GSPT1: variants seen among roughly 807,000 people sequenced by gnomAD.
The protein encoded by GSPT1 is G1 to S phase transition 1, also known as eukaryotic peptide chain release factor GTP-binding subunit ERF3A.
Under a neutral mutation model 72.5 loss-of-function variants are expected in GSPT1, and 20 were observed. That is an observed-to-expected ratio of 0.28 (90% CI 0.19 to 0.40). The LOEUF (loss-of-function observed/expected upper bound fraction) is 0.40, where lower values mean the gene tolerates loss of function less well. Among genes scored for constraint, GSPT1 ranks in the 10% least tolerant of loss-of-function variants. The pLI is 1.00. For missense variants in GSPT1, 580 were observed against 811.9 expected, an observed-to-expected ratio of 0.71 and a Z score of 3.47; for synonymous variants, 334 against 293.5, an observed-to-expected ratio of 1.14 and a Z score of -1.41.
chr16:11,888,758 C>T (rs184732486), intron 6 of GSPT1, among the ~76,000 whole-genome samples: 8 of 152,132 alleles, frequency 5.3e-5, no homozygotes, highest in Non-Finnish European at 8.8e-5. Context: ...GAGACTCCGT[C>T]TCAAAAAAAT....
rs2053957469 is a variant in GSPT1 at position 11,869,656 on chromosome 16, AC to A, written c.*3462del. ...TTCCCCTTGACTACCTTAAATCCCT[AC>A]CCAAAGCAATGAAGCTATCATCCAT... On this transcript the variant is annotated 3_prime_UTR_variant, in exon 15 of 15. Coordinates refer to ENST00000434724, the MANE Select transcript of GSPT1 (RefSeq NM_002094.4). 6.6e-6 allele frequency: 1 copy of A among 152,356 alleles called. No homozygotes were observed. The highest frequency in any genetic ancestry group is 2.4e-5 in the African/African-American group (1 of 41,586). The allele number at this position is 152,356 out of a possible 1,614,324, so 9.4% of individuals were successfully genotyped here.
At chr16:11,901,787 G>A (rs2054410122) in intron 1 of GSPT1, among the ~76,000 whole-genome samples, 1 of 150,048 alleles carries the variant, frequency 6.7e-6, no homozygotes, top group South Asian at 2.1e-4. Context: ...GTGAGACCCT[G>A]TCTCAAAAAA....
intron 1 of GSPT1, among the ~76,000 whole-genome samples, chr16:11,910,520 G>T (rs185850125): frequency 2.0e-5 from 3 of 152,234 alleles, no homozygotes; most frequent in Non-Finnish European, 4.4e-5. Context: ...CCAGAAATTC[G>T]CATTTCTGGA....
At chr16:11,875,624 A>G (rs2054038632) in intron 14 of GSPT1, 137 bp downstream of exon 14, 3 of 598,416 alleles carry the variant, frequency 5.0e-6, no homozygotes, top group Non-Finnish European at 8.5e-6. Flanking sequence ...TTCAACTCAT[A>G]AAACACTCAT....
chr16:11,893,651 G>C (rs1596467278), intron 5 of GSPT1, among the ~76,000 whole-genome samples: 2 of 152,110 alleles, frequency 1.3e-5, no homozygotes, highest in Admixed American at 1.3e-4. Context: ...GACATCTATA[G>C]TGCAGTGCAC....
Position 11,887,623 on chromosome 16 carries a change from T to A in GSPT1, c.904A>T (p.Ser302Cys). 1.2e-6 allele frequency: 2 copies of A among 1,613,960 alleles called. No homozygotes were observed. Among genetic ancestry groups the A allele is most frequent in the African/African-American group, 1.3e-5 (1 of 75,014 alleles). ...FTILDAPGHK[S>C]FVPNMIGGAS... is the part of the protein sequence containing the mutation. Reference sequence around the variant, plus strand: ...CCACCAATCATATTTGGGACAAAACTCTTGTGGCCAGGGGCATCTAGAATT... The same window carrying A: ...CCACCAATCATATTTGGGACAAAACACTTGTGGCCAGGGGCATCTAGAATT... Residue 302 changes from serine to cysteine, a missense_variant, in exon 7 of 15, where the codon AGT becomes TGT. Transcript: ENST00000434724.
At chr16:11,885,562 T>C (rs959499861) in intron 9 of GSPT1, among the ~76,000 whole-genome samples, 2 of 152,186 alleles carry the variant, frequency 1.3e-5, no homozygotes, top group Admixed American at 1.3e-4. Context: ...TTTCCAGCTA[T>C]GAAACCAAGA....
At position 11,915,928 on chromosome 16, in the gene GSPT1, G is replaced by C. The variant is rs761318497; in HGVS notation, c.-208C>G. ...GACGACAGAGGCGGCGGCGGCGGCAGCTCAACCCTCCTCCTCGTGTGTGTG... is the reference window on the plus strand; with the variant it reads ...GACGACAGAGGCGGCGGCGGCGGCACCTCAACCCTCCTCCTCGTGTGTGTG... On this transcript the variant is annotated 5_prime_UTR_variant, in exon 1 of 15. Coordinates refer to ENST00000434724, the MANE Select transcript of GSPT1 (RefSeq NM_002094.4). 9.2e-6 allele frequency: 7 copies of C among 764,328 alleles called. No homozygotes were observed. The highest frequency in any genetic ancestry group is 2.6e-5 in the East Asian group (1 of 39,112). 47.3% of individuals were successfully genotyped at this position (764,328 alleles called of 1,614,324 possible).
intron 1 of GSPT1, among the ~76,000 whole-genome samples, chr16:11,911,854 A>ACTTT (rs1462195027): frequency 2.2e-5 from 1 of 45,384 alleles, no homozygotes; most frequent in Non-Finnish European, 3.8e-5. Context: ...ACCCAGCTGT[A>ACTTT]TTTTTTTTTT....
In GSPT1 at chr16:11,892,522, AC is replaced by A. The variant is rs1382218493; in HGVS notation, c.699-1384del. ...ACCCTTTCTCAAAAAAACAAAAAAA[AC>A]AAAAAAAACAAAAAATAAAAAATGG... is the stretch of plus-strand genomic sequence containing the variant. On this transcript the variant is annotated intron_variant, in intron 5 of 14. Transcript: ENST00000434724. Among the ~76,000 whole-genome samples, 61 of 144,120 alleles carry A rather than the reference AC, an allele frequency of 4.2e-4. 3 individuals are homozygous for A. The highest frequency in any genetic ancestry group is 7.2e-4 in the African/African-American group (27 of 37,756). The allele number at this position is 144,120 out of a possible 152,430, so 94.5% of individuals were successfully genotyped here.
chr16:11,892,209 G>A (rs191432084), intron 5 of GSPT1, among the ~76,000 whole-genome samples: 2 of 151,884 alleles, frequency 1.3e-5, no homozygotes, highest in East Asian at 2.0e-4. Flanking sequence ...CTGGTGTGGT[G>A]ATGCATGCCT....
chr16:11,886,415 A>C, intron 9 of GSPT1, 56 bp downstream of exon 9: 1 of 1,181,374 alleles, frequency 8.5e-7, no homozygotes. Flanking sequence ...CTTTATAAGT[A>C]ATTTAAGTAA....
rs572676579 is a variant in GSPT1 at position 11,889,972 on chromosome 16, T to C, written c.776+1090A>G. On this transcript the variant is annotated intron_variant, in intron 6 of 14. Transcript: ENST00000434724. ...AAGTTGTTTTCCTTTTTTCTTTTTT[T>C]TTTTTTGACATGGTGTCTCACTCTG... is the stretch of plus-strand genomic sequence containing the variant. Among the ~76,000 whole-genome samples the C allele has an allele frequency of 2.0e-5, 3 of 151,034 alleles. No individual in the cohort carries two copies. In the South Asian group the frequency reaches 6.3e-4, roughly 32 times the overall value.
intron 1 of GSPT1, among the ~76,000 whole-genome samples, chr16:11,913,477 G>A (rs192326493): frequency 9.2e-4 from 140 of 152,324 alleles, no homozygotes; most frequent in African/African-American, 3.2e-3. Context: ...AAGATTAGGT[G>A]TAACTACAAA....
chr16:11,882,310 G>C (rs2054132185), intron 11 of GSPT1: 1 of 152,176 alleles, frequency 6.6e-6, no homozygotes, highest in South Asian at 2.1e-4. Flanking sequence ...TCACTCATAT[G>C]TTAGCCTCCA....
At chr16:11,882,906 A>C in intron 11 of GSPT1, 109 bp downstream of exon 11, 1 of 685,264 alleles carries the variant, frequency 1.5e-6, no homozygotes, top group Non-Finnish European at 2.6e-6. Flanking sequence ...GCAATAAGCT[A>C]TGAATGCGCC....
intron 1 of GSPT1, among the ~76,000 whole-genome samples, chr16:11,911,852 G>GTCTTT (rs1248759113): frequency 1.7e-5 from 1 of 60,416 alleles, no homozygotes; most frequent in Non-Finnish European, 3.6e-5. Flanking sequence ...GCACCCAGCT[G>GTCTTT]TATTTTTTTT....
At chr16:11,892,531 A>AAATAAAAAAAT (rs1567443313) in intron 5 of GSPT1, among the ~76,000 whole-genome samples, 1 of 139,864 alleles carries the variant, frequency 7.1e-6, no homozygotes, top group African/African-American at 2.8e-5. Flanking sequence ...AACAAAAAAA[A>AAATAAAAAAAT]CAAAAAATAA....
At chr16:11,906,901 G>T (rs549320607) in intron 1 of GSPT1, among the ~76,000 whole-genome samples, 2 of 152,174 alleles carry the variant, frequency 1.3e-5, no homozygotes, top group East Asian at 3.9e-4. Flanking sequence ...ACAAAAATTT[G>T]CAAGCTGAGG....
Sources: gnomAD v4.1 joint callset for allele counts (sites outside exome capture counted in the v4.1 genomes callset) on GRCh38, gnomAD v4.1.1 for gene constraint, MANE v1.5 for transcripts, NCBI Gene and HGNC (gene_info 2026-07-23, HGNC 2026-07-21) for gene names.